KITLG: variants seen among roughly 807,000 people sequenced by gnomAD.
KITLG encodes KIT ligand.
In KITLG, 13 loss-of-function variants were observed where a neutral mutation model predicts 34.1. The ratio of observed to expected loss-of-function variants is 0.38; its 90% CI spans 0.25 to 0.61. The LOEUF (loss-of-function observed/expected upper bound fraction) is 0.61. Among genes scored for constraint, KITLG ranks in the 20% least tolerant of loss-of-function variants. KITLG has a pLI of 0.60. For missense variants in KITLG, 292 were observed against 318.9 expected (o/e 0.92, Z 0.64); for synonymous variants, 110 against 104.0 (o/e 1.06, Z -0.35).
intron 3 of KITLG, among the ~76,000 whole-genome samples, chr12:88,520,162 G>A (rs761946115): frequency 2.0e-5 from 3 of 152,118 alleles, no homozygotes; most frequent in East Asian, 1.9e-4. Context: ...ATTTCAACTC[G>A]TCATAACCAA....
In KITLG at chr12:88,541,257, A is replaced by G. The variant is rs545756479; in HGVS notation, c.129+4495T>C. ...TATCACAAGACCAGGAAGACAATAG[A>G]TTCCTTTGTTCTAATGCTATCTTAC... is the stretch of plus-strand genomic sequence containing the variant. On this transcript the variant is annotated intron_variant, in intron 2 of 9. Transcript: ENST00000644744. Among the ~76,000 whole-genome samples the G allele has an allele frequency of 1.7e-3, 254 of 152,292 alleles. 1 individual carries two copies. The highest frequency in any genetic ancestry group is 2.2e-3 in the Non-Finnish European group (147 of 68,014).
intron 9 of KITLG, 31 bp downstream of exon 9, chr12:88,505,128 G>T: frequency 8.6e-7 from 1 of 1,158,706 alleles, no homozygotes; most frequent in South Asian, 1.3e-5. Flanking sequence ...ATAAAAAAAA[G>T]AAAAAAAAAG....
intron 3 of KITLG, among the ~76,000 whole-genome samples, chr12:88,522,941 C>A (rs1869729552): frequency 6.6e-6 from 1 of 152,126 alleles, no homozygotes; most frequent in South Asian, 2.1e-4. Flanking sequence ...TGGTGAAATA[C>A]CAATTAGAGA....
intron 6 of KITLG, among the ~76,000 whole-genome samples, chr12:88,511,773 T>C (rs1178336515): frequency 6.6e-6 from 1 of 152,102 alleles, no homozygotes; most frequent in Non-Finnish European, 1.5e-5. Context: ...ACAAGCAATA[T>C]TGGAGAGATT....
At chr12:88,557,419 A>T (rs1871130334) in intron 1 of KITLG, among the ~76,000 whole-genome samples, 1 of 152,218 alleles carries the variant, frequency 6.6e-6, no homozygotes, top group Non-Finnish European at 1.5e-5. Flanking sequence ...TTAGCTATTC[A>T]TAAAGCTCTT....
chr12:88,575,314 C>T (rs556791731), intron 1 of KITLG, among the ~76,000 whole-genome samples: 1 of 152,192 alleles, frequency 6.6e-6, no homozygotes, highest in Admixed American at 6.5e-5. Context: ...TAAAATGTAG[C>T]CAAAGGACAA....
chr12:88,515,731 A>G, intron 5 of KITLG, 114 bp from the exon 6 acceptor site: 1 of 730,456 alleles, frequency 1.4e-6, no homozygotes, highest in Non-Finnish European at 2.5e-6. Flanking sequence ...TCCCAAATCT[A>G]GAGTATTCAG....
At chr12:88,525,911 C>G (rs556138736) in intron 3 of KITLG, among the ~76,000 whole-genome samples, 25 of 152,270 alleles carry the variant, frequency 1.6e-4, no homozygotes, top group African/African-American at 5.8e-4. Context: ...AAAGAGAAAT[C>G]TTAAACTGAC....
At chr12:88,512,986 T>C (rs1366185515) in intron 6 of KITLG, among the ~76,000 whole-genome samples, 1 of 151,858 alleles carries the variant, frequency 6.6e-6, no homozygotes, top group Non-Finnish European at 1.5e-5. Context: ...AATATGCAGG[T>C]TAATATAAAA....
intron 1 of KITLG, among the ~76,000 whole-genome samples, chr12:88,550,087 T>G (rs1385896857): frequency 1.3e-5 from 2 of 152,192 alleles, no homozygotes; most frequent in Non-Finnish European, 2.9e-5. Context: ...AAAGCCAGTC[T>G]ACAGTGGGTT....
intron 6 of KITLG, among the ~76,000 whole-genome samples, chr12:88,513,397 A>G (rs1355455777): frequency 1.3e-5 from 2 of 151,818 alleles, no homozygotes; most frequent in Non-Finnish European, 3.0e-5. Context: ...ATAAAAAACA[A>G]GTAAGGAAAT....
intron 6 of KITLG, among the ~76,000 whole-genome samples, chr12:88,512,607 T>TA (rs1287144507): frequency 6.6e-6 from 1 of 151,930 alleles, no homozygotes; most frequent in East Asian, 1.9e-4. Context: ...GCTCAAATGT[T>TA]AAAAAGGAGA....
chr12:88,579,464 G>GA (rs915563780), intron 1 of KITLG, among the ~76,000 whole-genome samples: 12 of 151,220 alleles, frequency 7.9e-5, no homozygotes, highest in African/African-American at 1.9e-4. Context: ...TTCTTCAAGG[G>GA]AAAAAAAAAT....
chr12:88,522,329 T>C (rs1869698665), intron 3 of KITLG, among the ~76,000 whole-genome samples: 1 of 152,124 alleles, frequency 6.6e-6, no homozygotes, highest in South Asian at 2.1e-4. Context: ...CTGGCATGCT[T>C]TCTCCTCTCT....
chr12:88,565,427 C>T (rs978358381), intron 1 of KITLG, among the ~76,000 whole-genome samples: 3 of 152,222 alleles, frequency 2.0e-5, no homozygotes, highest in African/African-American at 7.2e-5. Context: ...GAGATCGAGA[C>T]CATCCTGGCC....
intron 2 of KITLG, among the ~76,000 whole-genome samples, chr12:88,536,024 T>G (rs1458668239): frequency 6.6e-6 from 1 of 152,076 alleles, no homozygotes. Context: ...TCAAAAGCAA[T>G]TCCAACAGAA....
In KITLG at chr12:88,506,345, T is replaced by G. The variant is rs1190164417; in HGVS notation, c.748A>C (p.Asn250His). Residue 250 changes from asparagine (N) to histidine (H), a missense_variant, in exon 8 of 10, where the codon AAT (asparagine) becomes CAT (histidine). Physicochemically the swap from Asn to His is moderately conservative, Grantham distance 68 (BLOSUM62 1). Coordinates refer to ENST00000644744, the MANE Select transcript of KITLG (RefSeq NM_000899.5). Reference sequence around the variant, plus strand: ...TTATCCTCTTCATTAATTTGTATATTTTCAACTGCCCTTGTAAGACTTGGC... The same window carrying G: ...TTATCCTCTTCATTAATTTGTATATGTTCAACTGCCCTTGTAAGACTTGGC... Reference protein sequence around the residue: ...RQPSLTRAVENIQINEEDNEI... With the variant: ...RQPSLTRAVEHIQINEEDNEI... The G allele has an allele frequency of 6.2e-7, 1 of 1,610,646 alleles. No individual in the cohort carries two copies. Among genetic ancestry groups the G allele is most frequent in the Non-Finnish European group, 8.5e-7 (1 of 1,176,892 alleles).
At chr12:88,544,359 G>A (rs762034047) in intron 2 of KITLG, among the ~76,000 whole-genome samples, 5 of 152,038 alleles carry the variant, frequency 3.3e-5, no homozygotes, top group Non-Finnish European at 7.4e-5. Flanking sequence ...AGGTCACACA[G>A]CCATCACATG....
intron 9 of KITLG, among the ~76,000 whole-genome samples, chr12:88,499,359 T>C (rs114296308): frequency 1.6e-3 from 249 of 152,280 alleles, no homozygotes; most frequent in African/African-American, 5.9e-3. Flanking sequence ...CTTCAGCTTG[T>C]CCTTTATTCC....
Sources: allele counts gnomAD v4.1 joint callset (sites outside exome capture counted in the v4.1 genomes callset), GRCh38; gene constraint gnomAD v4.1.1; transcripts MANE v1.5; gene names NCBI Gene and HGNC (gene_info 2026-07-23, HGNC 2026-07-21).